The following PLA2G4A variants were observed in gnomAD, a reference collection of about 807,000 sequenced individuals.
PLA2G4A encodes the protein phospholipase A2 group IVA.
PLA2G4A carries 40 observed loss-of-function variants against 81.9 expected under a neutral mutation model. That is an observed-to-expected ratio of 0.49 (90% CI 0.38 to 0.64). The LOEUF is 0.64. Among genes scored for constraint, PLA2G4A ranks in the 30% least tolerant of loss-of-function variants. PLA2G4A has a pLI of 0.00. For synonymous variants in PLA2G4A, 302 were observed against 296.9 expected (o/e 1.02, Z -0.18); for missense variants, 715 against 905.1 (o/e 0.79, Z 2.69).
chr1:186,865,705 T>C (rs1428779033), intron 2 of PLA2G4A, among the ~76,000 whole-genome samples: 1 of 152,204 alleles, frequency 6.6e-6, no homozygotes, highest in Non-Finnish European at 1.5e-5. Context: ...TATGATTGTT[T>C]CTTTGGTTCT....
intron 16 of PLA2G4A, among the ~76,000 whole-genome samples, chr1:186,978,688 C>A (rs1418648928): frequency 6.6e-6 from 1 of 152,134 alleles, no homozygotes; most frequent in Non-Finnish European, 1.5e-5. Flanking sequence ...TAGGGGATTT[C>A]CATGGCATAA....
intron 12 of PLA2G4A, among the ~76,000 whole-genome samples, chr1:186,949,046 A>T (rs1656440295): frequency 6.6e-6 from 1 of 152,194 alleles, no homozygotes; most frequent in African/African-American, 2.4e-5. Flanking sequence ...ACAATCAGGT[A>T]ACTCTGAATG....
At chr1:186,939,714 C>A (rs538129550) in intron 9 of PLA2G4A, among the ~76,000 whole-genome samples, 4 of 152,264 alleles carry the variant, frequency 2.6e-5, no homozygotes, top group African/African-American at 9.6e-5. Context: ...GGCTAAGTTT[C>A]TTCCAGGCTC....
chr1:186,853,170 C>T (rs1244772707), intron 1 of PLA2G4A, among the ~76,000 whole-genome samples: 1 of 151,666 alleles, frequency 6.6e-6, no homozygotes, highest in African/African-American at 2.4e-5. Context: ...TTTTACCATT[C>T]ATATAATATT....
rs1169286465 is a variant in PLA2G4A at position 186,894,123 on chromosome 1, T to C, written c.290T>C (p.Val97Ala). ...LEITLMDANY[V>A]MDETLGTATF... Reference sequence around the variant, plus strand: ...ATTACGTTAATGGATGCCAATTATGTCATGGATGAAACTCTAGGGACAGCA... The same window carrying C: ...ATTACGTTAATGGATGCCAATTATGCCATGGATGAAACTCTAGGGACAGCA... The change falls in exon 5 of 18, where the codon GTC becomes GCC. Residue 97 changes from valine to alanine, a missense_variant. Coordinates refer to ENST00000367466, the MANE Select transcript of PLA2G4A (RefSeq NM_024420.3). 6.9e-7 allele frequency: 1 copy of C among 1,442,544 alleles called. No individual in the cohort carries two copies. Among genetic ancestry groups the C allele is most frequent in the Non-Finnish European group, 9.8e-7 (1 of 1,023,450 alleles). 89.4% of individuals were successfully genotyped at this position (1,442,544 alleles called of 1,614,324 possible). A position where few individuals can be genotyped will look rare whatever the true frequency, so the allele number is the denominator to read the frequency against.
At chr1:186,966,759 T>C (rs1415850488) in intron 15 of PLA2G4A, among the ~76,000 whole-genome samples, 1 of 152,182 alleles carries the variant, frequency 6.6e-6, no homozygotes, top group Non-Finnish European at 1.5e-5. Context: ...CTTCCACATA[T>C]ATGGTTAAAG....
chr1:186,970,363 T>C (rs1476178744), intron 15 of PLA2G4A, among the ~76,000 whole-genome samples: 1 of 152,092 alleles, frequency 6.6e-6, no homozygotes, highest in East Asian at 1.9e-4. Context: ...GTTCGTCTCT[T>C]TTCTTTGTTG....
intron 1 of PLA2G4A, among the ~76,000 whole-genome samples, chr1:186,849,056 A>T (rs1456343555): frequency 6.6e-6 from 1 of 152,100 alleles, no homozygotes; most frequent in African/African-American, 2.4e-5. Context: ...TGCTTTTTTT[A>T]AATAAATAGA....
chr1:186,925,744 T>C lies in PLA2G4A; in HGVS notation c.559-7019T>C, dbSNP rs150456967. Among the ~76,000 whole-genome samples, 305 of 152,360 alleles carry C rather than the reference T, an allele frequency of 2.0e-3. 2 individuals carry two copies. Among genetic ancestry groups the C allele is most frequent in the African/African-American group, 6.9e-3 (287 of 41,578 alleles). On this transcript the variant is annotated intron_variant, in intron 7 of 17. Coordinates refer to ENST00000367466, the MANE Select transcript of PLA2G4A (RefSeq NM_024420.3). Reference sequence around the variant, plus strand: ...CTCTCAGTTATGCTCTCTTATGGCATATATGAACATTCTCTTCTCAGCATT... The same window carrying C: ...CTCTCAGTTATGCTCTCTTATGGCACATATGAACATTCTCTTCTCAGCATT...
At chr1:186,850,047 AT>A (rs1429738413) in intron 1 of PLA2G4A, among the ~76,000 whole-genome samples, 20 of 152,094 alleles carry the variant, frequency 1.3e-4, no homozygotes, top group Non-Finnish European at 2.4e-4. Context: ...TAGAAATTCA[AT>A]TTTGCAATCT....
At chr1:186,937,537 T>C (rs1655995904) in intron 8 of PLA2G4A, among the ~76,000 whole-genome samples, 1 of 151,916 alleles carries the variant, frequency 6.6e-6, no homozygotes, top group African/African-American at 2.4e-5. Context: ...TCAAATTCAA[T>C]TTGTTGTACA....
intron 1 of PLA2G4A, among the ~76,000 whole-genome samples, chr1:186,851,782 T>C (rs1183247322): frequency 6.6e-6 from 1 of 152,038 alleles, no homozygotes; most frequent in African/African-American, 2.4e-5. Context: ...AAATATAAAA[T>C]GTAGTTTCAA....
chr1:186,976,870 C>T (rs1657552253), intron 15 of PLA2G4A, among the ~76,000 whole-genome samples: 1 of 152,194 alleles, frequency 6.6e-6, no homozygotes, highest in Non-Finnish European at 1.5e-5. Flanking sequence ...ACTTACATGC[C>T]AGCAGTCATA....
chr1:186,862,381 C>A (rs10798060), intron 2 of PLA2G4A, among the ~76,000 whole-genome samples: 128,106 of 151,758 alleles, frequency 0.84, 54,242 homozygotes, highest in African/African-American at 0.9. Flanking sequence ...CGCTCAGCTA[C>A]TTTTTTGTAT....
At chr1:186,922,796 T>A (rs1655399420) in intron 7 of PLA2G4A, among the ~76,000 whole-genome samples, 1 of 152,190 alleles carries the variant, frequency 6.6e-6, no homozygotes, top group Admixed American at 6.5e-5. Flanking sequence ...GAGTGAGCAA[T>A]TCCTGTCCCT....
At chr1:186,986,486 A>G (rs1657895856) in intron 17 of PLA2G4A, among the ~76,000 whole-genome samples, 1 of 152,210 alleles carries the variant, frequency 6.6e-6, no homozygotes. Context: ...TTAAAAGAAG[A>G]TGTAGTAGGA....
At chr1:186,949,577 CTAA>C (rs748970997) in intron 12 of PLA2G4A, among the ~76,000 whole-genome samples, 10 of 152,058 alleles carry the variant, frequency 6.6e-5, no homozygotes, top group Non-Finnish European at 1.2e-4. Context: ...TGAAATGAAA[CTAA>C]TAATATTAGC....
intron 10 of PLA2G4A, among the ~76,000 whole-genome samples, chr1:186,946,429 G>A (rs571149480): frequency 5.1e-5 from 7 of 138,320 alleles, no homozygotes; most frequent in Middle Eastern, 3.6e-3. Context: ...TTTTTGTATC[G>A]TCTTGTCTTA....
In PLA2G4A at chr1:186,965,465, C is replaced by T; in HGVS notation, c.1636C>T (p.His546Tyr). The T allele has an allele frequency of 6.2e-7, 1 of 1,610,980 alleles. No homozygotes were observed. Among genetic ancestry groups the T allele is most frequent in the Non-Finnish European group, 8.5e-7 (1 of 1,177,154 alleles). ...EPLDVKSKKI[H>Y]VVDSGLTFNL... ...TCTGGATGTCAAAAGTAAAAAGATTCATGTAGTGGACAGTGGGCTCACATT... is the reference window on the plus strand; with the variant it reads ...TCTGGATGTCAAAAGTAAAAAGATTTATGTAGTGGACAGTGGGCTCACATT... The change falls in exon 15 of 18, where the codon CAT (histidine) becomes TAT (tyrosine). Residue 546 changes from histidine to tyrosine, a missense_variant. By Grantham distance (83) the His-to-Tyr change is moderately conservative (BLOSUM62 2). Transcript: ENST00000367466.
Sources: gnomAD v4.1 joint callset for allele counts (sites outside exome capture counted in the v4.1 genomes callset) on GRCh38, gnomAD v4.1.1 for gene constraint, MANE v1.5 for transcripts, NCBI Gene and HGNC (gene_info 2026-07-23, HGNC 2026-07-21) for gene names.